The following ADAM18 variants were observed in gnomAD, a reference collection of about 807,000 sequenced individuals.
The protein encoded by ADAM18 is ADAM metallopeptidase domain 18.
ADAM18 carries 117 observed loss-of-function variants against 94.4 expected under a neutral mutation model. The ratio of observed to expected loss-of-function variants is 1.24; its 90% CI spans 1.07 to 1.45. The LOEUF (loss-of-function observed/expected upper bound fraction) is 1.45, where lower values mean the gene tolerates loss of function less well. Among genes scored for constraint, ADAM18 ranks in the 40% most tolerant of loss-of-function variants. ADAM18 has a pLI of 0.00. For synonymous variants in ADAM18, 327 were observed against 291.6 expected, an observed-to-expected ratio of 1.12 and a Z score of -1.24; for missense variants, 936 against 880.0, an observed-to-expected ratio of 1.06 and a Z score of -0.81.
intron 2 of ADAM18, among the ~76,000 whole-genome samples, chr8:39,586,252 A>G (rs571366328): frequency 6.6e-6 from 1 of 152,334 alleles, no homozygotes; most frequent in South Asian, 2.1e-4. Context: ...GAAGTTGGAA[A>G]GGATTTTCAT....
At chr8:39,699,569 G>A (rs1378497366) in intron 17 of ADAM18, among the ~76,000 whole-genome samples, 4 of 152,072 alleles carry the variant, frequency 2.6e-5, no homozygotes, top group African/African-American at 9.7e-5. Flanking sequence ...AATATTCTGT[G>A]TGTAGAATTT....
intron 16 of ADAM18, among the ~76,000 whole-genome samples, chr8:39,684,680 ACTGGGCATTGCC>A (rs1220577209): frequency 1.1e-4 from 16 of 152,234 alleles, no homozygotes; most frequent in Non-Finnish European, 2.1e-4. Flanking sequence ...TCCCAGCTCC[ACTGGGCATTGCC>A]CTAGTATGAT....
At chr8:39,601,619 G>GTC (rs1818906208) in intron 2 of ADAM18, among the ~76,000 whole-genome samples, 1 of 151,702 alleles carries the variant, frequency 6.6e-6, no homozygotes, top group African/African-American at 2.4e-5. Flanking sequence ...ATATAATTGG[G>GTC]TCTTGGTTTT....
intron 7 of ADAM18, among the ~76,000 whole-genome samples, chr8:39,635,888 T>C (rs1820061636): frequency 6.6e-6 from 1 of 152,196 alleles, no homozygotes; most frequent in African/African-American, 2.4e-5. Flanking sequence ...TAAAGCAGTG[T>C]TGGTTTCATA....
chr8:39,667,314 A>G (rs942884132), intron 13 of ADAM18, among the ~76,000 whole-genome samples: 1 of 150,464 alleles, frequency 6.6e-6, no homozygotes, highest in Non-Finnish European at 1.5e-5. Context: ...AGGCAGGAGA[A>G]TTGCTTGAAC....
At chr8:39,638,108 T>A (rs1352810402) in intron 9 of ADAM18, among the ~76,000 whole-genome samples, 1 of 151,828 alleles carries the variant, frequency 6.6e-6, no homozygotes, top group Non-Finnish European at 1.5e-5. Context: ...TATTTAAAAA[T>A]GCTTATCTTT....
intron 7 of ADAM18, among the ~76,000 whole-genome samples, chr8:39,630,752 G>A (rs1338497440): frequency 6.6e-6 from 1 of 151,900 alleles, no homozygotes; most frequent in East Asian, 1.9e-4. Flanking sequence ...CTGCCTAGGA[G>A]TGAAATTGTT....
chr8:39,723,824 G>A lies in ADAM18; in HGVS notation c.2094G>A (p.Pro698=), dbSNP rs192742023. 568 of 1,584,244 alleles carry A rather than the reference G, an allele frequency of 3.6e-4. 9 individuals carry two copies. In the Admixed American group the frequency reaches 9.6e-3, roughly 27 times the overall value. ...TTCTGAGTTTCTGCATTTTTCTGCC[G>A]TTTTTCATAGTTTTCACCACTGTGA... is the stretch of plus-strand genomic sequence containing the variant. ...WFILSFCIFL[P]FFIVFTTVIF... The change falls in exon 19 of 20, where the codon CCG becomes CCA. Residue 698 remains proline (P), a synonymous_variant. Coordinates refer to ENST00000265707, the MANE Select transcript of ADAM18 (RefSeq NM_014237.3).
intron 14 of ADAM18, among the ~76,000 whole-genome samples, chr8:39,674,629 G>T (rs993469294): frequency 6.6e-6 from 1 of 152,104 alleles, no homozygotes; most frequent in Non-Finnish European, 1.5e-5. Flanking sequence ...TACATTTAAG[G>T]TTAATATTGT....
intron 16 of ADAM18, among the ~76,000 whole-genome samples, chr8:39,681,882 C>T (rs1821471430): frequency 1.3e-5 from 2 of 152,044 alleles, no homozygotes; most frequent in African/African-American, 2.4e-5. Flanking sequence ...GCTTCTGACC[C>T]CTTCTAGCAG....
At chr8:39,697,716 T>A (rs1261308587) in intron 17 of ADAM18, among the ~76,000 whole-genome samples, 2 of 151,774 alleles carry the variant, frequency 1.3e-5, no homozygotes, top group African/African-American at 4.8e-5. Flanking sequence ...TAACATTTTT[T>A]CTGATAAGTG....
At chr8:39,630,416 G>C (rs1472828880) in intron 7 of ADAM18, among the ~76,000 whole-genome samples, 1 of 151,238 alleles carries the variant, frequency 6.6e-6, no homozygotes, top group Non-Finnish European at 1.5e-5. Flanking sequence ...TACTCACAAA[G>C]TAACAGGATA....
At chr8:39,672,288 C>T (rs545297128) in intron 14 of ADAM18, among the ~76,000 whole-genome samples, 1 of 152,210 alleles carries the variant, frequency 6.6e-6, no homozygotes, top group African/African-American at 2.4e-5. Flanking sequence ...AAGATGGCTT[C>T]CTCTGCAGGT....
At chr8:39,716,507 G>C (rs1822583909) in intron 18 of ADAM18, among the ~76,000 whole-genome samples, 1 of 151,900 alleles carries the variant, frequency 6.6e-6, no homozygotes, top group Non-Finnish European at 1.5e-5. Context: ...AAATTTTCAA[G>C]TTTTCCTTTT....
At chr8:39,722,251 A>G (rs1213614159) in intron 18 of ADAM18, among the ~76,000 whole-genome samples, 16 of 65,282 alleles carry the variant, frequency 2.5e-4, no homozygotes, top group South Asian at 3.9e-4. Context: ...ATATATATAT[A>G]TATATATATA....
intron 16 of ADAM18, 88 bp from the exon 17 acceptor site, chr8:39,692,510 ATC>A (rs1821809586): frequency 1.8e-6 from 1 of 560,758 alleles, no homozygotes; most frequent in Non-Finnish European, 2.9e-6. Context: ...CAACTTAAGC[ATC>A]TCTTATACAT....
chr8:39,603,293 A>T (rs1818963506), intron 2 of ADAM18, among the ~76,000 whole-genome samples: 1 of 152,192 alleles, frequency 6.6e-6, no homozygotes, highest in African/African-American at 2.4e-5. Context: ...AAATTAGATA[A>T]GGTAATTTCT....
chr8:39,688,733 G>C (rs1309623909), intron 16 of ADAM18, among the ~76,000 whole-genome samples: 1 of 152,118 alleles, frequency 6.6e-6, no homozygotes, highest in Non-Finnish European at 1.5e-5. Flanking sequence ...ATTCCTTTGG[G>C]TATATAACCA....
chr8:39,674,767 T>G (rs1321204439), intron 14 of ADAM18, among the ~76,000 whole-genome samples: 2 of 152,234 alleles, frequency 1.3e-5, no homozygotes, highest in African/African-American at 4.8e-5. Flanking sequence ...GTACCAGTTC[T>G]TTCTTTCTGT....
Sources: gnomAD v4.1 joint callset for allele counts (sites outside exome capture counted in the v4.1 genomes callset) on GRCh38, gnomAD v4.1.1 for gene constraint, MANE v1.5 for transcripts, NCBI Gene and HGNC (gene_info 2026-07-23, HGNC 2026-07-21) for gene names.